Variants in HIF1AN observed in about 807,000 individuals in gnomAD.
HIF1AN encodes the protein hypoxia-inducible factor 1-alpha inhibitor.
In HIF1AN, 21 loss-of-function variants were observed where a neutral mutation model predicts 47.7. The ratio of observed to expected loss-of-function variants is 0.44; its 90% confidence interval spans 0.31 to 0.63. The LOEUF is 0.63. Among genes scored for constraint, HIF1AN ranks in the 30% least tolerant of loss-of-function variants. The pLI is 0.07. For synonymous variants in HIF1AN, 152 were observed against 155.9 expected (o/e 0.98, Z 0.18); for missense variants, 320 against 432.7 (o/e 0.74, Z 2.31).
intron 7 of HIF1AN, 36 bp downstream of exon 7, chr10:100,547,286 T>A (rs756790846): frequency 2.2e-6 from 3 of 1,334,048 alleles, no homozygotes; most frequent in Middle Eastern, 1.8e-4. Context: ...AGTGGGTGGG[T>A]TGACCAAGGA....
chr10:100,539,572 T>G (rs1288762132), intron 2 of HIF1AN, among the ~76,000 whole-genome samples: 1 of 152,258 alleles, frequency 6.6e-6, no homozygotes, highest in African/African-American at 2.4e-5. Flanking sequence ...CATATTGTTC[T>G]TTACATCATC....
Position 100,549,567 on chromosome 10 carries a change from C to G in HIF1AN, c.*1430C>G, listed in dbSNP as rs911566313. 6.6e-6 allele frequency: 1 copy of G among 152,266 alleles called. No individual in the cohort carries two copies. Among genetic ancestry groups the G allele is most frequent in the Non-Finnish European group, 1.5e-5 (1 of 68,096 alleles). The allele number at this position is 152,266 out of a possible 1,614,324, so 9.4% of individuals were successfully genotyped here. The stretch of plus-strand genomic sequence containing the variant: ...CTACTCCTGGGAACCCCTCTCAGGG[C>G]TGCAGCTTACAGGTGGGCAGCTGTG... On this transcript the variant is annotated 3_prime_UTR_variant, in exon 8 of 8. Transcript: ENST00000299163.
chr10:100,555,967 A>C lies in HIF1AN; in HGVS notation c.*7830A>C, dbSNP rs1298120612. ...TTTGGGCAAATGGACAAACTGCCCG[A>C]AACTTGACTTGTTTATATGTATGGG... On this transcript the variant is annotated 3_prime_UTR_variant, in exon 8 of 8. Coordinates refer to ENST00000299163, the MANE Select transcript of HIF1AN (RefSeq NM_017902.3). The C allele has an allele frequency of 6.6e-6, 1 of 152,226 alleles. No homozygotes were observed. The highest frequency in any genetic ancestry group is 2.4e-5 in the African/African-American group (1 of 41,454). 9.4% of individuals were successfully genotyped at this position (152,226 alleles called of 1,614,324 possible).
chr10:100,542,976 A>G (rs1185519521), intron 3 of HIF1AN, among the ~76,000 whole-genome samples: 1 of 151,720 alleles, frequency 6.6e-6, no homozygotes, highest in Non-Finnish European at 1.5e-5. Flanking sequence ...CAGTAGCTCA[A>G]TGCCAGGCCC....
rs377650841 is a variant in HIF1AN, at chr10:100,536,031, C to T, written c.73C>T (p.Pro25Ser). The T allele has an allele frequency of 6.2e-7, 1 of 1,602,436 alleles. No individual in the cohort carries two copies. Among genetic ancestry groups the T allele is most frequent in the Non-Finnish European group, 8.5e-7 (1 of 1,175,168 alleles). Residue 25 changes from proline (P) to serine (S), a missense_variant, in exon 1 of 8, where the codon CCC becomes TCC. By Grantham distance (74) the Pro-to-Ser change is moderately conservative. Transcript: ENST00000299163. Reference sequence around the variant, plus strand: ...CCGGGAGGAGGCTGGAGCCCTCGGCCCCGCCTGGGATGAATCCCAGTTGCG... The same window carrying T: ...CCGGGAGGAGGCTGGAGCCCTCGGCTCCGCCTGGGATGAATCCCAGTTGCG... The part of the protein sequence containing the change: ...EPREEAGALG[P>S]AWDESQLRSY...
rs1186417150 is a variant in HIF1AN, at chr10:100,548,114, A to G, written c.1027A>G (p.Met343Val). The change falls in exon 8 of 8, where the codon ATG (methionine) becomes GTG (valine). Residue 343 changes from methionine to valine, a missense_variant. Physicochemically the swap from Met to Val is conservative, Grantham distance 21. Around this residue, in one of 2 missense-constraint regions of HIF1AN, gnomAD observed 161 missense variants for 272.8 expected, o/e 0.59. Coordinates refer to ENST00000299163, the MANE Select transcript of HIF1AN (RefSeq NM_017902.3). ...ACAGGTGGGGCCCTTGTTGAACACA[A>G]TGATCAAGGGCCGATACAACTAGCC... is the stretch of plus-strand genomic sequence containing the variant. ...PQEVGPLLNT[M>V]IKGRYN is the part of the protein sequence containing the mutation. 7.4e-6 allele frequency: 12 copies of G among 1,613,158 alleles called. No individual in the cohort carries two copies. Among genetic ancestry groups the G allele is most frequent in the African/African-American group, 1.3e-5 (1 of 74,884 alleles).
At chr10:100,537,688 C>A (rs531662026) in intron 2 of HIF1AN, among the ~76,000 whole-genome samples, 10 of 152,238 alleles carry the variant, frequency 6.6e-5, no homozygotes, top group African/African-American at 2.4e-4. Flanking sequence ...TGCTTTCGCT[C>A]AGTACTTCAC....
In HIF1AN at chr10:100,546,002, C is replaced by T. The variant is rs200626557; in HGVS notation, c.783C>T (p.Tyr261=). The T allele has an allele frequency of 1.6e-5, 26 of 1,613,674 alleles. No homozygotes were observed. Among genetic ancestry groups the T allele is most frequent in the Middle Eastern group, 1.6e-4 (1 of 6,082 alleles). ...CTAATTTCCAAAATGTGGTTGGTTA[C>T]GAAACAGTGGTTGGCCCTGGTGATG... ...RFPNFQNVVG[Y]ETVVGPGDVL... is the part of the protein sequence containing the mutation. The change falls in exon 5 of 8, where the codon TAC becomes TAT. Residue 261 remains tyrosine (Y), a synonymous_variant. Transcript: ENST00000299163.
intron 2 of HIF1AN, among the ~76,000 whole-genome samples, chr10:100,537,625 T>C (rs1306394911): frequency 2.0e-5 from 3 of 152,232 alleles, no homozygotes; most frequent in South Asian, 2.1e-4. Context: ...CAGCCTCTTA[T>C]GTAGGTCCGA....
chr10:100,538,614 A>G (rs1458277394), intron 2 of HIF1AN, among the ~76,000 whole-genome samples: 1 of 152,010 alleles, frequency 6.6e-6, no homozygotes, highest in Non-Finnish European at 1.5e-5. Context: ...TGAGGTCAGG[A>G]GTTCGAGACC....
chr10:100,542,846 G>GTTTTTTTTTTTT (rs397730143), intron 3 of HIF1AN, among the ~76,000 whole-genome samples: 3 of 111,760 alleles, frequency 2.7e-5, no homozygotes, highest in Admixed American at 1.1e-4. Context: ...ATGTGAATGT[G>GTTTTTTTTTTTT]TTTTTTTTTT....
Position 100,540,663 on chromosome 10 carries a change from CTG to C in HIF1AN, c.461_462del (p.Val154GlyfsTer12). On this transcript the variant is annotated frameshift_variant, in exon 3 of 8. Coordinates refer to ENST00000299163, the MANE Select transcript of HIF1AN (RefSeq NM_017902.3). LOFTEE classifies it high-confidence loss of function. ...TATCTGCAGCAAACGCTCAATGACA[CTG>C]TGGGCAGGAAGATTGTCATGGACTT... 6.2e-7 allele frequency: 1 copy of C among 1,613,748 alleles called. No homozygotes were observed. Among genetic ancestry groups the C allele is most frequent in the Non-Finnish European group, 8.5e-7 (1 of 1,179,906 alleles).
rs11553944 is a variant in HIF1AN, at chr10:100,536,431, C to T, written c.198C>T (p.Asp66=). 6,385 of 1,614,106 alleles carry T rather than the reference C, an allele frequency of 4.0e-3. 86 individuals carry two copies. The East Asian group carries it at 0.053, about 13-fold the overall frequency. The change falls in exon 2 of 8, where the codon GAC becomes GAT. Residue 66 remains aspartate, a synonymous_variant. Coordinates refer to ENST00000299163, the MANE Select transcript of HIF1AN (RefSeq NM_017902.3). ...TTTAGGAGCCTGTGGTGCTGACCGA[C>T]ACAAATCTTGTGTATCCTGCCCTGA... ...IENEEPVVLT[D]TNLVYPALKW...
chr10:100,546,833 G>A (rs1219446308), intron 6 of HIF1AN, among the ~76,000 whole-genome samples: 3 of 151,862 alleles, frequency 2.0e-5, no homozygotes, highest in African/African-American at 7.3e-5. Flanking sequence ...TCTGCCTCCC[G>A]GGTTCAAGTG....
rs1329151369 is a variant in HIF1AN, at chr10:100,559,181, T to G, written c.*11044T>G. The G allele has an allele frequency of 6.6e-6, 1 of 152,194 alleles. No homozygotes were observed. Among genetic ancestry groups the G allele is most frequent in the Non-Finnish European group, 1.5e-5 (1 of 68,024 alleles). The allele number at this position is 152,194 out of a possible 1,614,324, so 9.4% of individuals were successfully genotyped here. On this transcript the variant is annotated 3_prime_UTR_variant, in exon 8 of 8. Coordinates refer to ENST00000299163, the MANE Select transcript of HIF1AN (RefSeq NM_017902.3). The stretch of plus-strand genomic sequence containing the variant: ...AGATTTCCTGTATTTATAAACTTAA[T>G]TTATTGGAAATATAAGTACTTGATC...
At chr10:100,537,367 C>G (rs1034728690) in intron 2 of HIF1AN, among the ~76,000 whole-genome samples, 1 of 152,096 alleles carries the variant, frequency 6.6e-6, no homozygotes, top group African/African-American at 2.4e-5. Context: ...GGGGGCCAAA[C>G]AAAAATGTTT....
At chr10:100,545,550 C>G (rs535425672) in intron 4 of HIF1AN, 7 of 205,122 alleles carry the variant, frequency 3.4e-5, no homozygotes, top group Admixed American at 1.1e-4. Flanking sequence ...CCAAAGATAT[C>G]CTTTCCTTTC....
chr10:100,542,996 A>G (rs1466064364), intron 3 of HIF1AN, among the ~76,000 whole-genome samples: 1 of 152,030 alleles, frequency 6.6e-6, no homozygotes, highest in Non-Finnish European at 1.5e-5. Context: ...CATGGTAGGT[A>G]CTTAGTAAAT....
rs935630904 is a variant in HIF1AN at position 100,557,628 on chromosome 10, G to A, written c.*9491G>A. 6.6e-6 allele frequency: 1 copy of A among 152,176 alleles called. No individual in the cohort carries two copies. The highest frequency in any genetic ancestry group is 1.5e-5 in the Non-Finnish European group (1 of 68,066). 9.4% of individuals were successfully genotyped at this position (152,176 alleles called of 1,614,324 possible). On this transcript the variant is annotated 3_prime_UTR_variant, in exon 8 of 8. Transcript: ENST00000299163. ...CCTGGCTAATTTTGTATTTTTAGTAGAGATGGGGTTTCTCCATGTTGGTCA... is the reference window on the plus strand; with the variant it reads ...CCTGGCTAATTTTGTATTTTTAGTAAAGATGGGGTTTCTCCATGTTGGTCA...
Sources: gnomAD v4.1 joint callset for allele counts (sites outside exome capture counted in the v4.1 genomes callset) on GRCh38, gnomAD v4.1.1 for gene constraint, gnomAD v4.1.1 regional missense constraint, MANE v1.5 for transcripts, NCBI Gene and HGNC (gene_info 2026-07-23, HGNC 2026-07-21) for gene names.